IL1RAPL1: variants seen among roughly 807,000 people sequenced by gnomAD.
IL1RAPL1 encodes the protein interleukin-1 receptor accessory protein-like 1.
In IL1RAPL1, 3 loss-of-function variants were observed where a neutral mutation model predicts 48.4. The observed-to-expected ratio is 0.06, with a 90% CI of 0.03 to 0.16. The LOEUF (loss-of-function observed/expected upper bound fraction) is 0.16, where lower values mean the gene tolerates loss of function less well. IL1RAPL1 is among the 10% of genes least tolerant of loss of function. The pLI is 1.00. For synonymous variants in IL1RAPL1, 185 were observed against 187.7 expected, an observed-to-expected ratio of 0.99 and a Z score of 0.12; for missense variants, 349 against 530.6, an observed-to-expected ratio of 0.66 and a Z score of 3.36.
intron 2 of IL1RAPL1, among the ~76,000 whole-genome samples, chrX:28,992,944 A>C (rs1925645096): frequency 8.9e-6 from 1 of 111,987 alleles, no homozygotes; most frequent in Non-Finnish European, 1.9e-5. Context: ...TGAGGTTGGT[A>C]TGATCAAAGG....
At chrX:29,917,205 C>T (rs918329147) in intron 6 of IL1RAPL1, among the ~76,000 whole-genome samples, 2 of 111,985 alleles carry the variant, frequency 1.8e-5, no homozygotes, top group Non-Finnish European at 3.8e-5. Flanking sequence ...GCAAACCGAA[C>T]GGGAAAAATG....
At chrX:28,985,693 T>C (rs1214892353) in intron 2 of IL1RAPL1, among the ~76,000 whole-genome samples, 1 of 95,831 alleles carries the variant, frequency 1.0e-5, no homozygotes, top group Non-Finnish European at 2.0e-5. Flanking sequence ...GGAGTCTCGC[T>C]CTGTCGCCCA....
At position 28,844,706 on chromosome X, in the gene IL1RAPL1, C is replaced by G. The variant is rs999894198; in HGVS notation, c.82+55281C>G. Among the ~76,000 whole-genome samples, 3 of 111,127 alleles carry G rather than the reference C, an allele frequency of 2.7e-5. No individual in the cohort carries two copies. In the Admixed American group the frequency reaches 2.9e-4, roughly 11 times the overall value. Reference sequence around the variant, plus strand: ...AAGTTTTCTGTGACTCTTTATGTCTCTTGACATAAAAGACAAGAATCTCTT... The same window carrying G: ...AAGTTTTCTGTGACTCTTTATGTCTGTTGACATAAAAGACAAGAATCTCTT... On this transcript the variant is annotated intron_variant, in intron 2 of 10. Coordinates refer to ENST00000378993, the MANE Select transcript of IL1RAPL1 (RefSeq NM_014271.4).
intron 5 of IL1RAPL1, among the ~76,000 whole-genome samples, chrX:29,514,750 A>G (rs1935428912): frequency 8.9e-6 from 1 of 112,589 alleles, no homozygotes; most frequent in Non-Finnish European, 1.9e-5. Flanking sequence ...GCACCTGGCA[A>G]GTTGAATTGT....
intron 5 of IL1RAPL1, among the ~76,000 whole-genome samples, chrX:29,469,585 A>G (rs1344818492): frequency 9.0e-6 from 1 of 111,590 alleles, no homozygotes; most frequent in Non-Finnish European, 1.9e-5. Context: ...CCTAAACACA[A>G]TTGCCTTTGA....
At chrX:28,641,285 A>G (rs1380637711) in intron 1 of IL1RAPL1, among the ~76,000 whole-genome samples, 4 of 108,550 alleles carry the variant, frequency 3.7e-5, no homozygotes, top group African/African-American at 1.3e-4. Context: ...TCATTGTTCA[A>G]CTCCCACTTA....
chrX:29,586,003 C>G (rs1334240091), intron 5 of IL1RAPL1, among the ~76,000 whole-genome samples: 1 of 111,445 alleles, frequency 9.0e-6, no homozygotes, highest in Non-Finnish European at 1.9e-5. Flanking sequence ...TCTTCATTCT[C>G]TTGATTGTTT....
chrX:28,980,940 A>G (rs1054362371), intron 2 of IL1RAPL1, among the ~76,000 whole-genome samples: 16 of 105,969 alleles, frequency 1.5e-4, no homozygotes, highest in African/African-American at 5.2e-4. Flanking sequence ...AATTAAAAAA[A>G]ATTAGTTGGG....
intron 3 of IL1RAPL1, among the ~76,000 whole-genome samples, chrX:29,377,469 T>G (rs1933638827): frequency 8.9e-6 from 1 of 111,943 alleles, no homozygotes; most frequent in South Asian, 3.7e-4. Context: ...GCTATGTGCT[T>G]AAGTGTGTTT....
chrX:29,010,176 A>ACC (rs984838740), intron 2 of IL1RAPL1, among the ~76,000 whole-genome samples: 3 of 111,664 alleles, frequency 2.7e-5, no homozygotes, highest in Non-Finnish European at 5.6e-5. Context: ...TAGGTAGAGG[A>ACC]CCATATCATC....
intron 2 of IL1RAPL1, among the ~76,000 whole-genome samples, chrX:28,952,525 C>T: frequency 9.0e-6 from 1 of 111,359 alleles, no homozygotes; most frequent in Non-Finnish European, 1.9e-5. Context: ...AAATAGAATA[C>T]ACATTTTCTC....
At chrX:28,857,768 T>C (rs1344134563) in intron 2 of IL1RAPL1, among the ~76,000 whole-genome samples, 1 of 111,862 alleles carries the variant, frequency 8.9e-6, no homozygotes, top group East Asian at 2.8e-4. Flanking sequence ...GAATAATGTT[T>C]TCATGCTTAC....
chrX:29,087,241 G>A (rs1407609996), intron 2 of IL1RAPL1, among the ~76,000 whole-genome samples: 1 of 106,350 alleles, frequency 9.4e-6, no homozygotes, highest in African/African-American at 3.5e-5. Context: ...GGGTTCAAGC[G>A]ATTTTCCTGC....
intron 1 of IL1RAPL1, among the ~76,000 whole-genome samples, chrX:28,681,655 C>T (rs1935061095): frequency 9.0e-6 from 1 of 111,423 alleles, no homozygotes; most frequent in Non-Finnish European, 1.9e-5. Context: ...TAAGTGCTCT[C>T]GCCACAAAAA....
At chrX:29,906,460 AATATATATATATATATATATATATATAT>A (rs1164023016) in intron 6 of IL1RAPL1, among the ~76,000 whole-genome samples, 1,685 of 29,876 alleles carry the variant, frequency 0.056, 56 homozygotes, top group Non-Finnish European at 0.068. Context: ...TAACTTTGTA[AATATATATATATATATATATATATATAT>A]ATATATATAT....
chrX:29,109,312 T>G (rs1334405745), intron 2 of IL1RAPL1, among the ~76,000 whole-genome samples: 1 of 108,166 alleles, frequency 9.2e-6, no homozygotes, highest in Non-Finnish European at 1.9e-5. Context: ...TTTTTTTTTT[T>G]GTAGAAAATA....
At chrX:28,849,809 C>A (rs780600678) in intron 2 of IL1RAPL1, among the ~76,000 whole-genome samples, 4 of 111,966 alleles carry the variant, frequency 3.6e-5, no homozygotes, top group African/African-American at 1.3e-4. Flanking sequence ...TTATATACTG[C>A]GTATTAGACA....
intron 6 of IL1RAPL1, among the ~76,000 whole-genome samples, chrX:29,835,227 C>T (rs776652838): frequency 9.2e-5 from 10 of 109,274 alleles, no homozygotes; most frequent in Non-Finnish European, 1.9e-4. Flanking sequence ...AGAGGGTTCT[C>T]TTACTTTAAA....
intron 2 of IL1RAPL1, among the ~76,000 whole-genome samples, chrX:28,944,450 A>G (rs946945169): frequency 9.0e-6 from 1 of 111,122 alleles, no homozygotes; most frequent in Non-Finnish European, 1.9e-5. Context: ...TGATTTCACA[A>G]TACACGTTTC....
Sources: gnomAD v4.1 joint callset for allele counts (sites outside exome capture counted in the v4.1 genomes callset) on GRCh38, gnomAD v4.1.1 for gene constraint, MANE v1.5 for transcripts, NCBI Gene and HGNC (gene_info 2026-07-23, HGNC 2026-07-21) for gene names.